ODR4: variants seen among roughly 807,000 people sequenced by gnomAD.
ODR4 encodes protein odr-4 homolog.
Under a neutral mutation model 60.2 loss-of-function variants are expected in ODR4, and 47 were observed. The observed-to-expected ratio is 0.78, with a 90% CI of 0.62 to 1.00. The LOEUF is 1.00. ODR4 is among the 50% of genes least tolerant of loss of function. The pLI is 0.00. For synonymous variants in ODR4, 178 were observed against 175.5 expected (o/e 1.01, Z -0.11); for missense variants, 488 against 530.8 (o/e 0.92, Z 0.79).
At position 186,375,878 on chromosome 1, in the gene ODR4, G is replaced by T; in HGVS notation, c.-116G>T. 4.6e-6 allele frequency: 1 copy of T among 216,436 alleles called. No homozygotes were observed. Among genetic ancestry groups the T allele is most frequent in the Non-Finnish European group, 1.0e-5 (1 of 97,672 alleles). 13.4% of individuals were successfully genotyped at this position (216,436 alleles called of 1,614,324 possible). A position where few individuals can be genotyped will look rare whatever the true frequency, so the allele number is the denominator to read the frequency against. On this transcript the variant is annotated 5_prime_UTR_variant, in exon 1 of 14. Coordinates refer to ENST00000287859, the MANE Select transcript of ODR4 (RefSeq NM_017847.6). ...AGTGAATTGAGACCGGAGGGAATCT[G>T]GCCCCTAGAGGCTGGTACTTGGGCC...
chr1:186,409,789 C>T (rs920783237), intron 12 of ODR4, among the ~76,000 whole-genome samples: 1 of 152,158 alleles, frequency 6.6e-6, no homozygotes, highest in East Asian at 1.9e-4. Flanking sequence ...TGTGATCCGC[C>T]TGCCTCAGCC....
At chr1:186,430,009 T>C in the ODR4 span, among the ~76,000 whole-genome samples, 4 of 152,110 alleles carry the variant, frequency 2.6e-5, no homozygotes, top group Non-Finnish European at 5.9e-5. Context: ...TACAGTTGTT[T>C]GTTTTTGCCA....
chr1:186,408,997 A>G (rs1478843920), intron 12 of ODR4, among the ~76,000 whole-genome samples: 1 of 138,810 alleles, frequency 7.2e-6, no homozygotes, highest in Non-Finnish European at 1.6e-5. Context: ...TTTTAAGTTA[A>G]TATTTTAACA....
At chr1:186,422,649 T>A (rs1043716827), downstream of ODR4, among the ~76,000 whole-genome samples, 1 of 152,166 alleles carries the variant, frequency 6.6e-6, no homozygotes, top group Non-Finnish European at 1.5e-5. Context: ...CATGTTTAGA[T>A]CTTCACAGAG....
At chr1:186,399,988 T>G (rs1400246385) in intron 11 of ODR4, among the ~76,000 whole-genome samples, 1 of 147,472 alleles carries the variant, frequency 6.8e-6, no homozygotes, top group East Asian at 1.9e-4. Context: ...CTTTTTTTTT[T>G]TCTTTTTTTT....
rs905687594 is a variant in ODR4 at position 186,401,272 on chromosome 1, G to T, written c.1000+2228G>T. ...AAACTTGATACATTTAGAAGTTAAT[G>T]TTAAAGCCTAATCCTAAATTTTTAA... is the stretch of plus-strand genomic sequence containing the variant. On this transcript the variant is annotated intron_variant, in intron 11 of 13. Coordinates refer to ENST00000287859, the MANE Select transcript of ODR4 (RefSeq NM_017847.6). 7 of 1,203,308 alleles carry T rather than the reference G, an allele frequency of 5.8e-6. No homozygotes were observed. The African/African-American group carries it at 9.3e-5, about 16-fold the overall frequency. The allele number at this position is 1,203,308 out of a possible 1,614,324, so 74.5% of individuals were successfully genotyped here.
At chr1:186,429,063 G>A in the ODR4 span, among the ~76,000 whole-genome samples, 1 of 152,054 alleles carries the variant, frequency 6.6e-6, no homozygotes, top group Admixed American at 6.6e-5. Context: ...ATGAAATCTT[G>A]TCTCTACAAA....
At chr1:186,397,167 T>C (rs1660714939) in intron 9 of ODR4, among the ~76,000 whole-genome samples, 7 of 152,214 alleles carry the variant, frequency 4.6e-5, no homozygotes, top group Admixed American at 3.9e-4. Flanking sequence ...GCCTTAGACA[T>C]TGCTTGAATT....
the ODR4 span, among the ~76,000 whole-genome samples, chr1:186,434,259 G>C: frequency 6.6e-6 from 1 of 152,088 alleles, no homozygotes; most frequent in South Asian, 2.1e-4. Context: ...GCTAGATATA[G>C]TTTTTCCATC....
At chr1:186,392,367 A>G (rs552485908) in intron 8 of ODR4, among the ~76,000 whole-genome samples, 4 of 152,366 alleles carry the variant, frequency 2.6e-5, no homozygotes, top group South Asian at 2.1e-4. Context: ...TCACAATAGC[A>G]AAGACATGGA....
chr1:186,382,904 C>A, intron 2 of ODR4, 118 bp from the exon 3 acceptor site: 1 of 1,032,582 alleles, frequency 9.7e-7, no homozygotes, highest in Non-Finnish European at 1.4e-6. Flanking sequence ...ATGATTTAAC[C>A]TGTTACAAAT....
intron 2 of ODR4, among the ~76,000 whole-genome samples, chr1:186,382,603 G>C (rs929765628): frequency 1.3e-5 from 2 of 152,116 alleles, no homozygotes; most frequent in African/African-American, 4.8e-5. Context: ...AGATACAAAA[G>C]GTCACTTGTT....
intron 11 of ODR4, among the ~76,000 whole-genome samples, chr1:186,402,187 A>ATTCTTCCTTTCT (rs1553236964): frequency 7.4e-6 from 1 of 135,424 alleles, no homozygotes; most frequent in African/African-American, 2.9e-5. Flanking sequence ...TAGGCATCCT[A>ATTCTTCCTTTCT]TTCTTTCTTT....
chr1:186,432,023 G>C, the ODR4 span, among the ~76,000 whole-genome samples: 1 of 152,128 alleles, frequency 6.6e-6, no homozygotes, highest in East Asian at 1.9e-4. Context: ...TTAGATTCTG[G>C]TTCTAATAAA....
rs538060031 is a variant in ODR4 at position 186,387,095 on chromosome 1, C to T, written c.330+1012C>T. 6.0e-5 allele frequency among the ~76,000 whole-genome samples: 9 copies of T among 151,108 alleles called. 1 individual carries two copies. In the South Asian group the frequency reaches 1.7e-3, roughly 28 times the overall value. ...TATAAAACCCAACCCCAACAGTATC[C>T]CAGAAAAACATTTTTTAGGTAAAAA... On this transcript the variant is annotated intron_variant, in intron 4 of 13. Coordinates refer to ENST00000287859, the MANE Select transcript of ODR4 (RefSeq NM_017847.6).
chr1:186,398,237 G>T, intron 9 of ODR4, 76 bp from the exon 10 acceptor site: 1 of 1,289,172 alleles, frequency 7.8e-7, no homozygotes. Context: ...TCATAAAATC[G>T]CTAATATAAT....
intron 2 of ODR4, among the ~76,000 whole-genome samples, chr1:186,380,575 CAAA>C (rs76089299): frequency 3.9e-5 from 5 of 129,788 alleles, no homozygotes; most frequent in Admixed American, 1.5e-4. Context: ...AGTACAAAGC[CAAA>C]AAAAAAAAAA....
At chr1:186,418,941 C>T in intron 13 of ODR4, 68 bp from the exon 14 acceptor site, 1 of 1,357,050 alleles carries the variant, frequency 7.4e-7, no homozygotes, top group Non-Finnish European at 1.0e-6. Flanking sequence ...ATTTCAGAGC[C>T]TAGGATTAGT....
intron 12 of ODR4, among the ~76,000 whole-genome samples, chr1:186,409,460 C>T (rs947426194): frequency 6.6e-6 from 1 of 152,232 alleles, no homozygotes; most frequent in African/African-American, 2.4e-5. Flanking sequence ...TATTTGTTGA[C>T]TGAATAAATT....
Sources: allele counts gnomAD v4.1 joint callset (sites outside exome capture counted in the v4.1 genomes callset), GRCh38; gene constraint gnomAD v4.1.1; transcripts MANE v1.5; gene names NCBI Gene and HGNC (gene_info 2026-07-23, HGNC 2026-07-21).